The following TRPM3 variants were observed in gnomAD, a reference collection of about 807,000 sequenced individuals.
TRPM3 encodes transient receptor potential cation channel subfamily M member 3.
A neutral mutation model predicts 181.2 loss-of-function variants in TRPM3; 77 were observed. The ratio of observed to expected loss-of-function variants is 0.42; its 90% CI spans 0.35 to 0.51. The LOEUF is 0.51. TRPM3 is among the 20% of genes least tolerant of loss of function. TRPM3 has a pLI of 0.01. For missense variants in TRPM3, 1,759 were observed against 2,196.7 expected (o/e 0.80, Z 3.98); for synonymous variants, 745 against 796.4 (o/e 0.94, Z 1.09).
At chr9:70,963,424 C>CT (rs1255190600) in intron 1 of TRPM3, among the ~76,000 whole-genome samples, 4 of 152,058 alleles carry the variant, frequency 2.6e-5, no homozygotes, top group Non-Finnish European at 4.4e-5. Context: ...GGTGCAACAT[C>CT]AAATTTTAAT....
chr9:70,917,196 C>T (rs2133228391), intron 1 of TRPM3: 2 of 1,603,958 alleles, frequency 1.2e-6, no homozygotes, highest in South Asian at 1.1e-5. Flanking sequence ...TTAAACACAA[C>T]TTTATTGAAG....
intron 1 of TRPM3, among the ~76,000 whole-genome samples, chr9:71,233,216 C>G (rs1444103826): frequency 6.6e-6 from 1 of 152,170 alleles, no homozygotes; most frequent in African/African-American, 2.4e-5. Context: ...TCAAATGAAT[C>G]ATTTTCCCTC....
rs57368357 is a variant in TRPM3 at position 71,004,449 on chromosome 9, G to A, written c.177+116729C>T. Among the ~76,000 whole-genome samples, 514 of 152,328 alleles carry A rather than the reference G, an allele frequency of 3.4e-3. 4 individuals carry two copies. The highest frequency in any genetic ancestry group is 0.012 in the African/African-American group (486 of 41,570). On this transcript the variant is annotated intron_variant, in intron 1 of 25. Coordinates refer to ENST00000677713, the MANE Select transcript of TRPM3 (RefSeq NM_001366145.2). ...ATCCGGGAAGCAACCGCAGAATGGC[G>A]GTTAAGCTCCAGTGTTAAGTAGTAA...
chr9:71,357,281 T>A (rs1311868171), intron 1 of TRPM3, among the ~76,000 whole-genome samples: 1 of 152,208 alleles, frequency 6.6e-6, no homozygotes, highest in Non-Finnish European at 1.5e-5. Context: ...AGGCACTATG[T>A]CTAAATGTAC....
Position 70,620,413 on chromosome 9 carries a change from T to C in TRPM3, c.1840-48A>G, listed in dbSNP as rs965180915. 1.9e-6 allele frequency: 3 copies of C among 1,556,446 alleles called. No individual in the cohort carries two copies. The African/African-American group carries it at 4.1e-5, about 21-fold the overall frequency. On this transcript the variant is annotated intron_variant, in intron 15 of 25. Transcript: ENST00000677713. Reference sequence around the variant, plus strand: ...CAGACTGAGTTAGAAATGAATTGGTTCATTTCAGCAAGTAGCAGTTGTATA... The same window carrying C: ...CAGACTGAGTTAGAAATGAATTGGTCCATTTCAGCAAGTAGCAGTTGTATA...
chr9:70,745,961 G>C (rs2075089836), intron 8 of TRPM3, among the ~76,000 whole-genome samples: 2 of 152,182 alleles, frequency 1.3e-5, no homozygotes, highest in South Asian at 2.1e-4. Context: ...ATGAGTCCCT[G>C]TAGTTATATG....
chr9:71,391,165 T>C (rs2093053308), intron 1 of TRPM3, among the ~76,000 whole-genome samples: 1 of 152,040 alleles, frequency 6.6e-6, no homozygotes, highest in South Asian at 2.1e-4. Context: ...AAACTGAGTG[T>C]CTATTATGTA....
chr9:70,946,811 T>C (rs1381191935), intron 1 of TRPM3, among the ~76,000 whole-genome samples: 3 of 152,186 alleles, frequency 2.0e-5, no homozygotes, highest in Non-Finnish European at 4.4e-5. Flanking sequence ...GTTTTTGTAC[T>C]TTGCATAAAA....
chr9:70,533,280 C>T lies in TRPM3; in HGVS notation c.*2673G>A, dbSNP rs1204114770. On this transcript the variant is annotated 3_prime_UTR_variant, in exon 26 of 26. Transcript: ENST00000677713. ...ATGTTTTCACCTCCTTCTTGGATTC[C>T]TCTATAGACCCTTCAGGGAGACTTC... 1.3e-5 allele frequency: 2 copies of T among 152,140 alleles called. No homozygotes were observed. Among genetic ancestry groups the T allele is most frequent in the Non-Finnish European group, 2.9e-5 (2 of 68,032 alleles). 9.4% of individuals were successfully genotyped at this position (152,140 alleles called of 1,614,324 possible).
chr9:70,665,630 A>G (rs2061739921), intron 9 of TRPM3, among the ~76,000 whole-genome samples: 1 of 152,214 alleles, frequency 6.6e-6, no homozygotes, highest in Admixed American at 6.5e-5. Flanking sequence ...CACAATATGC[A>G]AAGCTGAGAA....
intron 1 of TRPM3, among the ~76,000 whole-genome samples, chr9:71,353,388 G>C (rs1401419835): frequency 2.6e-5 from 4 of 152,068 alleles, no homozygotes; most frequent in African/African-American, 9.7e-5. Flanking sequence ...TTGAGTAAAT[G>C]GGTGAATGCA....
In TRPM3 at chr9:70,980,067, G is replaced by GCACACA. The variant is rs10527749; in HGVS notation, c.178-115562_178-115557dup. On this transcript the variant is annotated intron_variant, in intron 1 of 25. Transcript: ENST00000677713. ...AGCATGTGTGGCCATGCATGTGCGT[G>GCACACA]CACACACACACACACACACACACAC... Among the ~76,000 whole-genome samples the GCACACA allele has an allele frequency of 5.3e-3, 725 of 137,930 alleles. 12 individuals are homozygous for GCACACA. Among genetic ancestry groups the GCACACA allele is most frequent in the East Asian group, 0.012 (55 of 4,710 alleles). The allele number at this position is 137,930 out of a possible 152,430, so 90.5% of individuals were successfully genotyped here.
rs116431594 is a variant in TRPM3 at position 70,669,840 on chromosome 9, G to A, written c.1345+11666C>T. On this transcript the variant is annotated intron_variant, in intron 9 of 25. Coordinates refer to ENST00000677713, the MANE Select transcript of TRPM3 (RefSeq NM_001366145.2). ...TGGGCTCAACCTCTTGGGCTCAAGCGATCCTTTCATGTCAGCCTCCTGAGT... is the reference window on the plus strand; with the variant it reads ...TGGGCTCAACCTCTTGGGCTCAAGCAATCCTTTCATGTCAGCCTCCTGAGT... Among the ~76,000 whole-genome samples the A allele has an allele frequency of 5.4e-3, 812 of 150,796 alleles. 8 individuals are homozygous for A. The highest frequency in any genetic ancestry group is 0.019 in the African/African-American group (772 of 40,966).
intron 8 of TRPM3, among the ~76,000 whole-genome samples, chr9:70,750,109 C>G (rs1307134783): frequency 6.6e-6 from 1 of 152,294 alleles, no homozygotes; most frequent in Middle Eastern, 3.4e-3. Context: ...ACATAGGCTA[C>G]TAGGCTGTAC....
intron 1 of TRPM3, among the ~76,000 whole-genome samples, chr9:71,435,961 G>T (rs1292506943): frequency 6.6e-6 from 1 of 152,178 alleles, no homozygotes; most frequent in Non-Finnish European, 1.5e-5. Flanking sequence ...TGGAGAAAGG[G>T]ACTGATATGG....
intron 1 of TRPM3, among the ~76,000 whole-genome samples, chr9:70,884,982 C>A (rs1464745606): frequency 6.6e-6 from 1 of 152,154 alleles, no homozygotes; most frequent in Non-Finnish European, 1.5e-5. Context: ...AATGACACTG[C>A]TAACATTTCC....
chr9:71,014,719 T>C (rs903948667), intron 1 of TRPM3, among the ~76,000 whole-genome samples: 6 of 152,154 alleles, frequency 3.9e-5, no homozygotes, highest in African/African-American at 1.4e-4. Context: ...TTTTTAGCCT[T>C]TGGAATCACT....
intron 1 of TRPM3, among the ~76,000 whole-genome samples, chr9:71,164,909 A>G (rs1037899467): frequency 6.6e-6 from 1 of 152,196 alleles, no homozygotes; most frequent in Non-Finnish European, 1.5e-5. Context: ...TTAATCCATA[A>G]GATTTTATAC....
chr9:70,761,234 C>G, intron 8 of TRPM3: 1 of 586,810 alleles, frequency 1.7e-6, no homozygotes. Flanking sequence ...ACAGAAAGCA[C>G]CTCAGTGGTT....
Sources: allele counts gnomAD v4.1 joint callset (sites outside exome capture counted in the v4.1 genomes callset), GRCh38; gene constraint gnomAD v4.1.1; transcripts MANE v1.5; gene names NCBI Gene and HGNC (gene_info 2026-07-23, HGNC 2026-07-21).